Variants in EIF3H observed in about 807,000 individuals in gnomAD.
The protein encoded by EIF3H is eukaryotic translation initiation factor 3 subunit H.
EIF3H carries 26 observed loss-of-function variants against 44.2 expected under a neutral mutation model. The observed-to-expected ratio is 0.59, with a 90% CI of 0.43 to 0.82. EIF3H has a LOEUF of 0.82. EIF3H is among the 40% of genes least tolerant of loss of function. The probability of loss-of-function intolerance (pLI) is 0.00; values close to 1 mark genes in which losing one functional copy is unlikely to be tolerated. For synonymous variants in EIF3H, 166 were observed against 151.9 expected, an observed-to-expected ratio of 1.09 and a Z score of -0.68; for missense variants, 359 against 432.8, an observed-to-expected ratio of 0.83 and a Z score of 1.51.
At chr8:116,702,808 G>T (rs951793077) in intron 2 of EIF3H, among the ~76,000 whole-genome samples, 11 of 152,158 alleles carry the variant, frequency 7.2e-5, no homozygotes, top group African/African-American at 2.2e-4. Context: ...AATCATTTTA[G>T]GGCAGTGGTA....
chr8:116,676,338 T>C (rs969412601), intron 2 of EIF3H, among the ~76,000 whole-genome samples: 1 of 152,238 alleles, frequency 6.6e-6, no homozygotes, highest in South Asian at 2.1e-4. Context: ...GGACTTTTAA[T>C]TGACTCACAG....
intron 2 of EIF3H, among the ~76,000 whole-genome samples, chr8:116,717,423 A>G (rs1814674879): frequency 6.6e-6 from 1 of 152,176 alleles, no homozygotes; most frequent in Non-Finnish European, 1.5e-5. Context: ...TGGAACCAAA[A>G]AAGAGCCTTC....
At chr8:116,710,604 G>C (rs1311037979) in intron 2 of EIF3H, among the ~76,000 whole-genome samples, 1 of 152,208 alleles carries the variant, frequency 6.6e-6, no homozygotes, top group Admixed American at 6.5e-5. Context: ...ATAGTAAATA[G>C]TAATGCCAAG....
Position 116,744,225 on chromosome 8 carries a change from AAAAC to A in EIF3H, c.132+11437_132+11440del, listed in dbSNP as rs1336112590. Among the ~76,000 whole-genome samples, 6 of 151,724 alleles carry A rather than the reference AAAAC, an allele frequency of 4.0e-5. No homozygotes were observed. The East Asian group carries it at 1.2e-3, about 29-fold the overall frequency. On this transcript the variant is annotated intron_variant, in intron 1 of 7. Coordinates refer to ENST00000521861, the MANE Select transcript of EIF3H (RefSeq NM_003756.3). ...AACATAGAAAGTATTAAAAAAAAAAAAAACAAACAGTAAGCCTCAAGATACAATA... is the reference window on the plus strand; with the variant it reads ...AACATAGAAAGTATTAAAAAAAAAAAAAACAGTAAGCCTCAAGATACAATA...
At chr8:116,675,068 T>C (rs936541920) in intron 2 of EIF3H, among the ~76,000 whole-genome samples, 1 of 151,714 alleles carries the variant, frequency 6.6e-6, no homozygotes, top group African/African-American at 2.4e-5. Context: ...AAATATCTCA[T>C]TTCACATCTA....
intron 6 of EIF3H, 93 bp from the exon 7 acceptor site, chr8:116,646,696 T>C (rs1391610087): frequency 2.0e-6 from 3 of 1,497,730 alleles, no homozygotes; most frequent in Admixed American, 2.1e-5. Context: ...AGAACCCCAC[T>C]GCTCTGAATT....
intron 2 of EIF3H, among the ~76,000 whole-genome samples, chr8:116,666,147 G>A (rs1360953647): frequency 6.6e-6 from 1 of 152,078 alleles, no homozygotes; most frequent in Non-Finnish European, 1.5e-5. Context: ...CAAAAATACT[G>A]CCTTTCTTAA....
In EIF3H at chr8:116,654,534, G is replaced by A. The variant is rs992866696; in HGVS notation, c.707+1322C>T. On this transcript the variant is annotated intron_variant, in intron 5 of 7. Coordinates refer to ENST00000521861, the MANE Select transcript of EIF3H (RefSeq NM_003756.3). Reference sequence around the variant, plus strand: ...ATTGTAACCTTGTATGCTGAAAAAGGTTCTTAGCTAAATGCTTTAAATACA... The same window carrying A: ...ATTGTAACCTTGTATGCTGAAAAAGATTCTTAGCTAAATGCTTTAAATACA... Among the ~76,000 whole-genome samples the A allele has an allele frequency of 2.0e-5, 3 of 152,134 alleles. No homozygotes were observed. The South Asian group carries it at 6.2e-4, about 32-fold the overall frequency.
At chr8:116,740,386 C>T (rs1484490760) in intron 1 of EIF3H, among the ~76,000 whole-genome samples, 2 of 152,032 alleles carry the variant, frequency 1.3e-5, no homozygotes, top group Non-Finnish European at 2.9e-5. Flanking sequence ...TTTTCTCTGC[C>T]ACTCCTTGCT....
At chr8:116,714,659 G>C (rs1274253422) in intron 2 of EIF3H, among the ~76,000 whole-genome samples, 1 of 151,806 alleles carries the variant, frequency 6.6e-6, no homozygotes, top group Non-Finnish European at 1.5e-5. Flanking sequence ...CCCCCAAACT[G>C]TCTACATATT....
At chr8:116,676,547 A>G (rs1813850890) in intron 2 of EIF3H, among the ~76,000 whole-genome samples, 2 of 152,192 alleles carry the variant, frequency 1.3e-5, no homozygotes, top group Admixed American at 6.5e-5. Context: ...CCATGATTCA[A>G]TTACCTCCAC....
At chr8:116,752,439 C>T (rs747542515) in intron 1 of EIF3H, among the ~76,000 whole-genome samples, 1 of 151,958 alleles carries the variant, frequency 6.6e-6, no homozygotes, top group Non-Finnish European at 1.5e-5. Flanking sequence ...ATACTAAACA[C>T]TTTAAATACC....
chr8:116,658,211 C>T (rs1476305331), intron 3 of EIF3H: 2 of 152,136 alleles, frequency 1.3e-5, no homozygotes, highest in African/African-American at 2.4e-5. Context: ...ATACTCAGGA[C>T]GTTACATTTA....
rs77608012 is a variant in EIF3H, at chr8:116,671,216, T to C, written c.290-12236A>G. Among the ~76,000 whole-genome samples, 1,241 of 152,336 alleles carry C rather than the reference T, an allele frequency of 8.1e-3. 19 individuals are homozygous for C. Among genetic ancestry groups the C allele is most frequent in the African/African-American group, 0.028 (1,179 of 41,582 alleles). On this transcript the variant is annotated intron_variant, in intron 2 of 7. Transcript: ENST00000521861. ...TACTTTCCCTAAACTTGCTTCAGCT[T>C]GTTTGTCATCCCCTAACGCAGCACA... is the stretch of plus-strand genomic sequence containing the variant.
At chr8:116,726,266 T>A (rs2062876754) in intron 1 of EIF3H, 94 bp from the exon 2 acceptor site, 1 of 1,342,028 alleles carries the variant, frequency 7.5e-7, no homozygotes. Flanking sequence ...TGTACTAGGT[T>A]TGCAAAACCA....
chr8:116,647,340 T>C (rs956443698), intron 6 of EIF3H, among the ~76,000 whole-genome samples: 2 of 152,202 alleles, frequency 1.3e-5, no homozygotes, highest in Admixed American at 1.3e-4. Flanking sequence ...GACCTCGTGA[T>C]CCACCCGCCT....
At chr8:116,752,135 G>A (rs553819796) in intron 1 of EIF3H, among the ~76,000 whole-genome samples, 4 of 152,294 alleles carry the variant, frequency 2.6e-5, no homozygotes, top group African/African-American at 7.2e-5. Context: ...CAGGATTCAG[G>A]TATGAAAGCA....
At chr8:116,649,063 G>T in intron 5 of EIF3H, 137 bp from the exon 6 acceptor site, 1 of 662,164 alleles carries the variant, frequency 1.5e-6, no homozygotes, top group Non-Finnish European at 2.3e-6. Context: ...AAAAGCAAGA[G>T]CAGAGGAAAA....
chr8:116,678,718 G>T (rs1435613479), intron 2 of EIF3H, among the ~76,000 whole-genome samples: 2 of 147,482 alleles, frequency 1.4e-5, no homozygotes, highest in Non-Finnish European at 3.0e-5. Flanking sequence ...GTCTCTGCTC[G>T]GCCGCCCCGT....
Sources: allele counts gnomAD v4.1 joint callset (sites outside exome capture counted in the v4.1 genomes callset), GRCh38; gene constraint gnomAD v4.1.1; transcripts MANE v1.5; gene names NCBI Gene and HGNC (gene_info 2026-07-23, HGNC 2026-07-21).